RAB11FIP4: variants seen among roughly 807,000 people sequenced by gnomAD.
RAB11FIP4 encodes RAB11 family interacting protein 4.
A neutral mutation model predicts 74.3 loss-of-function variants in RAB11FIP4; 23 were observed. The ratio of observed to expected loss-of-function variants is 0.31; its 90% confidence interval spans 0.22 to 0.44. The LOEUF is 0.44. RAB11FIP4 is among the 20% of genes least tolerant of loss of function. The pLI is 1.00. For synonymous variants in RAB11FIP4, 360 were observed against 359.9 expected, an observed-to-expected ratio of 1.00 and a Z score of 0.00; for missense variants, 630 against 863.9, an observed-to-expected ratio of 0.73 and a Z score of 3.39.
intron 1 of RAB11FIP4, among the ~76,000 whole-genome samples, chr17:31,394,485 G>A (rs1296323031): frequency 2.6e-5 from 4 of 152,110 alleles, no homozygotes; most frequent in Non-Finnish European, 5.9e-5. Context: ...CTCTCTTACT[G>A]TACACAATTC....
chr17:31,405,782 G>A (rs2071036588), intron 1 of RAB11FIP4, among the ~76,000 whole-genome samples: 1 of 152,106 alleles, frequency 6.6e-6, no homozygotes, highest in Admixed American at 6.5e-5. Context: ...GAAAAAGAAA[G>A]CTAACTAGCA....
At chr17:31,450,341 T>TATC (rs1407120344) in intron 3 of RAB11FIP4, among the ~76,000 whole-genome samples, 1 of 148,284 alleles carries the variant, frequency 6.7e-6, no homozygotes, top group Non-Finnish European at 1.5e-5. Flanking sequence ...TTATTATTAT[T>TATC]ATTATTATTA....
chr17:31,413,171 T>C (rs2071114432), intron 1 of RAB11FIP4, among the ~76,000 whole-genome samples: 1 of 152,144 alleles, frequency 6.6e-6, no homozygotes, highest in South Asian at 2.1e-4. Context: ...GTGTCAGAGC[T>C]GGGGAGCTCG....
chr17:31,504,424 C>T (rs1236227979), intron 3 of RAB11FIP4, among the ~76,000 whole-genome samples: 1 of 152,132 alleles, frequency 6.6e-6, no homozygotes, highest in Non-Finnish European at 1.5e-5. Context: ...CGCCACCACG[C>T]CCGGCTAATT....
At chr17:31,417,923 A>G (rs747188222) in intron 1 of RAB11FIP4, among the ~76,000 whole-genome samples, 7 of 152,000 alleles carry the variant, frequency 4.6e-5, no homozygotes, top group African/African-American at 7.3e-5. Context: ...ACATAATGAG[A>G]CCCCATCTCT....
At chr17:31,407,310 A>G (rs2071052643) in intron 1 of RAB11FIP4, among the ~76,000 whole-genome samples, 1 of 151,964 alleles carries the variant, frequency 6.6e-6, no homozygotes, top group African/African-American at 2.4e-5. Context: ...CAGCCTCCCA[A>G]AGTGCTGGGA....
At chr17:31,475,984 A>G (rs904558113) in intron 3 of RAB11FIP4, among the ~76,000 whole-genome samples, 1 of 151,984 alleles carries the variant, frequency 6.6e-6, no homozygotes, top group Non-Finnish European at 1.5e-5. Flanking sequence ...TATTAAATAT[A>G]GTGTCTTTAA....
At chr17:31,459,551 T>C (rs2071614766) in intron 3 of RAB11FIP4, among the ~76,000 whole-genome samples, 1 of 152,256 alleles carries the variant, frequency 6.6e-6, no homozygotes, top group South Asian at 2.1e-4. Flanking sequence ...AATGAGCGCA[T>C]GTCACTTTGA....
intron 1 of RAB11FIP4, among the ~76,000 whole-genome samples, chr17:31,423,259 G>A (rs1391244002): frequency 6.6e-6 from 1 of 152,142 alleles, no homozygotes; most frequent in Non-Finnish European, 1.5e-5. Flanking sequence ...AGCTTTTCCT[G>A]TTTCTTTGTA....
At chr17:31,516,060 C>G (rs1244543831) in intron 3 of RAB11FIP4, among the ~76,000 whole-genome samples, 1 of 152,112 alleles carries the variant, frequency 6.6e-6, no homozygotes, top group Non-Finnish European at 1.5e-5. Context: ...AGGGTTTATT[C>G]ATTGAGGTCC....
rs368376206 is a variant in RAB11FIP4 at position 31,523,661 on chromosome 17, G to A, written c.1029+50G>A. On this transcript the variant is annotated intron_variant, in intron 8 of 14. Transcript: ENST00000621161. Reference sequence around the variant, plus strand: ...GGACTGAATGCATGCCTGCTCCCAGGGGAGATGGGGTGCACTCAGGCTACT... The same window carrying A: ...GGACTGAATGCATGCCTGCTCCCAGAGGAGATGGGGTGCACTCAGGCTACT... 7.2e-6 allele frequency: 11 copies of A among 1,525,098 alleles called. No individual in the cohort carries two copies. In the African/African-American group the frequency reaches 1.2e-4, roughly 17 times the overall value. The allele number at this position is 1,525,098 out of a possible 1,614,324, so 94.5% of individuals were successfully genotyped here.
intron 3 of RAB11FIP4, among the ~76,000 whole-genome samples, chr17:31,471,173 C>T (rs556048096): frequency 6.6e-6 from 1 of 151,576 alleles, no homozygotes; most frequent in East Asian, 1.9e-4. Context: ...AACGATCCTT[C>T]CACCCCAACC....
At position 31,404,458 on chromosome 17, in the gene RAB11FIP4, C is replaced by T. The variant is rs114084684; in HGVS notation, c.159+12447C>T. On this transcript the variant is annotated intron_variant, in intron 1 of 14. Transcript: ENST00000621161. Reference sequence around the variant, plus strand: ...ACCCAGCTCTGCAACTTACTTGCTGCGTGACTCTGAGAAGTTACTTAACCT... The same window carrying T: ...ACCCAGCTCTGCAACTTACTTGCTGTGTGACTCTGAGAAGTTACTTAACCT... 6.3e-3 allele frequency among the ~76,000 whole-genome samples: 958 copies of T among 152,368 alleles called. 19 individuals are homozygous for T. Among genetic ancestry groups the T allele is most frequent in the African/African-American group, 0.022 (912 of 41,582 alleles).
At chr17:31,497,481 G>T (rs1427902586) in intron 3 of RAB11FIP4, among the ~76,000 whole-genome samples, 1 of 152,224 alleles carries the variant, frequency 6.6e-6, no homozygotes, top group Non-Finnish European at 1.5e-5. Flanking sequence ...AGGGGGCAGT[G>T]GCAAAGGCAC....
At position 31,521,297 on chromosome 17, in the gene RAB11FIP4, C is replaced by A. The variant is rs770841817; in HGVS notation, c.695C>A (p.Pro232His). Residue 232 changes from proline to histidine, a missense_variant, in exon 5 of 15, where the codon CCT (proline) becomes CAT (histidine). Coordinates refer to ENST00000621161, the MANE Select transcript of RAB11FIP4 (RefSeq NM_032932.6). The part of the protein sequence containing the change: ...GDDVDCAPSS[P>H]CPDDETRTNV... ...GATGTGGACTGTGCCCCCAGCAGCC[C>A]TTGCCCCGATGATGAGACCAGGACC... 1.2e-6 allele frequency: 2 copies of A among 1,614,080 alleles called. No homozygotes were observed. The highest frequency in any genetic ancestry group is 1.7e-6 in the Non-Finnish European group (2 of 1,179,948).
chr17:31,527,528 A>G (rs562962373), intron 10 of RAB11FIP4: 144 of 268,922 alleles, frequency 5.4e-4, no homozygotes, highest in African/African-American at 2.9e-3. Context: ...TGAAGGAGTT[A>G]GAGGTTGCAG....
chr17:31,463,437 C>A (rs2071651983), intron 3 of RAB11FIP4, among the ~76,000 whole-genome samples: 2 of 152,252 alleles, frequency 1.3e-5, no homozygotes, highest in African/African-American at 4.8e-5. Flanking sequence ...GTTGAGGGCT[C>A]TCAATTTTGG....
chr17:31,481,960 C>T (rs866121229), intron 3 of RAB11FIP4, among the ~76,000 whole-genome samples: 13 of 152,112 alleles, frequency 8.5e-5, no homozygotes, highest in Non-Finnish European at 1.9e-4. Context: ...GAAATCATCC[C>T]GGCCAGTGGA....
At chr17:31,484,220 G>T (rs1442706848) in intron 3 of RAB11FIP4, among the ~76,000 whole-genome samples, 1 of 151,746 alleles carries the variant, frequency 6.6e-6, no homozygotes, top group Non-Finnish European at 1.5e-5. Flanking sequence ...ACAAGCGCTC[G>T]CCACTACACC....
Sources: gnomAD v4.1 joint callset for allele counts (sites outside exome capture counted in the v4.1 genomes callset) on GRCh38, gnomAD v4.1.1 for gene constraint, MANE v1.5 for transcripts, NCBI Gene and HGNC (gene_info 2026-07-23, HGNC 2026-07-21) for gene names.